The following PARM1 variants were observed in gnomAD, a reference collection of about 807,000 sequenced individuals.
PARM1 encodes prostate androgen-regulated mucin-like protein 1, also known as WSC4, cell wall integrity and stress response component 4 homolog.
Under a neutral mutation model 24.6 loss-of-function variants are expected in PARM1, and 14 were observed. That is an observed-to-expected ratio of 0.57 (90% confidence interval 0.38 to 0.89). The LOEUF is 0.89. Among genes scored for constraint, PARM1 ranks in the 40% least tolerant of loss-of-function variants. The pLI is 0.00. For missense variants in PARM1, 362 were observed against 380.4 expected (o/e 0.95, Z 0.40); for synonymous variants, 179 against 156.6 (o/e 1.14, Z -1.07).
At chr4:75,043,960 G>C (rs1723548483) in intron 3 of PARM1, among the ~76,000 whole-genome samples, 1 of 151,930 alleles carries the variant, frequency 6.6e-6, no homozygotes, top group African/African-American at 2.4e-5. Flanking sequence ...ACATAGATTA[G>C]GTCAGCTGAA....
chr4:74,991,028 G>A (rs1479415271), intron 1 of PARM1, among the ~76,000 whole-genome samples: 1 of 152,116 alleles, frequency 6.6e-6, no homozygotes, highest in East Asian at 1.9e-4. Context: ...AAGAGACCAA[G>A]TAAAGAGTAA....
At chr4:75,016,390 CT>C (rs796452761) in intron 2 of PARM1, among the ~76,000 whole-genome samples, 1 of 151,186 alleles carries the variant, frequency 6.6e-6, no homozygotes. Context: ...ATTCTTAGAT[CT>C]TTTTTTTGTT....
In PARM1 at chr4:75,033,917, C is replaced by T. The variant is rs369891954; in HGVS notation, c.804C>T (p.Ala268=). 1.9e-6 allele frequency: 3 copies of T among 1,604,286 alleles called. No individual in the cohort carries two copies. Among genetic ancestry groups the T allele is most frequent in the African/African-American group, 1.3e-5 (1 of 74,866 alleles). The change falls in exon 3 of 4, where the codon GCC becomes GCT. Residue 268 remains alanine (A), a synonymous_variant. Coordinates refer to ENST00000307428, the MANE Select transcript of PARM1 (RefSeq NM_015393.4). ...CCGCCATTACCGTGACAGTCATTGC[C>T]GTGGTGCTGCTGGTGTTTGGAGTTG... ...SIAAITVTVI[A]VVLLVFGVAA... is the part of the protein sequence containing the mutation.
At chr4:74,950,662 C>G (rs532733145) in intron 1 of PARM1, among the ~76,000 whole-genome samples, 14 of 152,206 alleles carry the variant, frequency 9.2e-5, no homozygotes, top group Non-Finnish European at 2.1e-4. Flanking sequence ...AAGACTCCTC[C>G]CCACAGATAA....
chr4:75,007,378 T>A (rs1722792004), intron 1 of PARM1, among the ~76,000 whole-genome samples: 1 of 152,152 alleles, frequency 6.6e-6, no homozygotes, highest in African/African-American at 2.4e-5. Flanking sequence ...TCCACCAGCC[T>A]TTTTGAGGCT....
chr4:75,039,229 T>G (rs1350199136), intron 3 of PARM1, among the ~76,000 whole-genome samples: 1 of 151,898 alleles, frequency 6.6e-6, no homozygotes, highest in East Asian at 1.9e-4. Flanking sequence ...AATGGAAGAG[T>G]TTATTAAAAA....
chr4:75,020,925 A>G (rs986734733), intron 2 of PARM1, among the ~76,000 whole-genome samples: 4 of 152,162 alleles, frequency 2.6e-5, no homozygotes, highest in African/African-American at 9.7e-5. Context: ...CCTCCCAGTT[A>G]CAACTTGTCA....
chr4:74,937,473 G>T (rs963111177), intron 1 of PARM1, among the ~76,000 whole-genome samples: 1 of 152,176 alleles, frequency 6.6e-6, no homozygotes, highest in South Asian at 2.1e-4. Flanking sequence ...CAGCTAGATT[G>T]CCTAGGTAAA....
intron 2 of PARM1, among the ~76,000 whole-genome samples, chr4:75,024,171 C>A (rs192894812): frequency 3.4e-4 from 51 of 151,868 alleles, no homozygotes; most frequent in African/African-American, 1.2e-3. Context: ...ACTCCGGAGG[C>A]TGAGGCAGGA....
At chr4:75,013,951 T>G (rs11727003) in intron 2 of PARM1, among the ~76,000 whole-genome samples, 72,071 of 151,788 alleles carry the variant, frequency 0.47, 17,450 homozygotes, top group Non-Finnish European at 0.51. Flanking sequence ...GCAGGAAGAG[T>G]CTTTCATCGG....
intron 2 of PARM1, among the ~76,000 whole-genome samples, chr4:75,030,085 T>C (rs993721429): frequency 1.3e-5 from 2 of 152,052 alleles, no homozygotes; most frequent in Admixed American, 1.3e-4. Flanking sequence ...TTGAAAGAAA[T>C]TGATGCTGAG....
chr4:74,973,293 T>C (rs2109766433), intron 1 of PARM1, among the ~76,000 whole-genome samples: 1 of 152,320 alleles, frequency 6.6e-6, no homozygotes, highest in South Asian at 2.1e-4. Context: ...AAACCTGTCA[T>C]CTAAAGATAC....
intron 3 of PARM1, among the ~76,000 whole-genome samples, chr4:75,040,518 T>C (rs1178522274): frequency 6.6e-6 from 1 of 152,230 alleles, no homozygotes; most frequent in African/African-American, 2.4e-5. Flanking sequence ...ATGGAACTGA[T>C]AGGATTCCTT....
rs572210088 is a variant in PARM1 at position 75,030,824 on chromosome 4, C to G, written c.770-3059C>G. Among the ~76,000 whole-genome samples the G allele has an allele frequency of 6.6e-5, 10 of 152,254 alleles. No homozygotes were observed. The East Asian group carries it at 9.7e-4, about 15-fold the overall frequency. ...CAGTGTCCCACACCTTCCTCATAAG[C>G]CAGAGGCTCCCCTGCCCCCCAGCCA... On this transcript the variant is annotated intron_variant, in intron 2 of 3. Transcript: ENST00000307428.
chr4:74,933,663 C>T (rs1343971974), intron 1 of PARM1, among the ~76,000 whole-genome samples: 6 of 152,220 alleles, frequency 3.9e-5, no homozygotes, highest in Non-Finnish European at 8.8e-5. Flanking sequence ...GTGGGCAACA[C>T]GGACTGCGCC....
At chr4:74,963,332 C>G (rs147107503) in intron 1 of PARM1, among the ~76,000 whole-genome samples, 1 of 152,096 alleles carries the variant, frequency 6.6e-6, no homozygotes, top group African/African-American at 2.4e-5. Context: ...ATTCAACATA[C>G]GATTCAAACA....
At chr4:75,027,489 A>G (rs1409599170) in intron 2 of PARM1, among the ~76,000 whole-genome samples, 1 of 152,158 alleles carries the variant, frequency 6.6e-6, no homozygotes, top group African/African-American at 2.4e-5. Context: ...AGATCTACCT[A>G]GGTTGCAGTG....
chr4:75,040,429 A>C (rs2109814277), intron 3 of PARM1, among the ~76,000 whole-genome samples: 1 of 152,310 alleles, frequency 6.6e-6, no homozygotes, highest in South Asian at 2.1e-4. Flanking sequence ...TTTAAAAGAA[A>C]CCCAGAGTCT....
intron 2 of PARM1, among the ~76,000 whole-genome samples, chr4:75,021,275 T>A (rs1305136031): frequency 1.3e-5 from 2 of 152,210 alleles, no homozygotes. Context: ...TCGGATGCCT[T>A]TAAGCAGTGT....
Sources: gnomAD v4.1 joint callset for allele counts (sites outside exome capture counted in the v4.1 genomes callset) on GRCh38, gnomAD v4.1.1 for gene constraint, MANE v1.5 for transcripts, NCBI Gene and HGNC (gene_info 2026-07-23, HGNC 2026-07-21) for gene names.